The following MALRD1 variants were observed in gnomAD, a reference collection of about 807,000 sequenced individuals.
MALRD1 encodes MAM and LDL-receptor class A domain-containing protein 1.
MALRD1 carries 247 observed loss-of-function variants against 242.1 expected under a neutral mutation model. The ratio of observed to expected loss-of-function variants is 1.02; its 90% CI spans 0.92 to 1.13. The LOEUF (loss-of-function observed/expected upper bound fraction) is 1.13, where lower values mean the gene tolerates loss of function less well. Ranked by LOEUF, MALRD1 falls within the 50% of genes most tolerant of loss-of-function variation. MALRD1 has a pLI of 0.00. For synonymous variants in MALRD1, 995 were observed against 866.6 expected (o/e 1.15, Z -2.60); for missense variants, 2,989 against 2,533.1 (o/e 1.18, Z -3.86).
chr10:19,171,383 TG>T lies in MALRD1; in HGVS notation c.1831-3824del, dbSNP rs1182121920. Among the ~76,000 whole-genome samples the T allele has an allele frequency of 2.0e-5, 3 of 148,774 alleles. 1 individual carries two copies. The highest frequency in any genetic ancestry group is 7.4e-5 in the African/African-American group (3 of 40,418). ...TTACTGATTACCAATTGATGCTGAC[TG>T]TAGTTCCGAAAGGGAATTGGTCACA... On this transcript the variant is annotated intron_variant, in intron 13 of 39. Transcript: ENST00000454679.
At chr10:19,444,724 C>T (rs932314852) in intron 28 of MALRD1, among the ~76,000 whole-genome samples, 1 of 152,182 alleles carries the variant, frequency 6.6e-6, no homozygotes, top group Non-Finnish European at 1.5e-5. Context: ...CAACCTTTCT[C>T]TCTGGCTGCC....
At chr10:19,097,922 A>G (rs186865136) in intron 4 of MALRD1, among the ~76,000 whole-genome samples, 48 of 152,324 alleles carry the variant, frequency 3.2e-4, no homozygotes, top group South Asian at 6.2e-4. Context: ...TCCTGTGTAT[A>G]AACATGTATT....
intron 21 of MALRD1, among the ~76,000 whole-genome samples, chr10:19,322,298 A>G (rs568872343): frequency 4.4e-4 from 67 of 152,174 alleles, no homozygotes; most frequent in South Asian, 1.0e-3. Context: ...GAGAACTGGA[A>G]ATGCTTTTTC....
chr10:19,101,156 TGAGGTACA>T (rs1262046348), intron 4 of MALRD1, among the ~76,000 whole-genome samples: 2 of 151,170 alleles, frequency 1.3e-5, no homozygotes, highest in Non-Finnish European at 1.5e-5. Context: ...AGAAGAAAAC[TGAGGTACA>T]GAGATGTTAA....
In MALRD1 at chr10:19,294,274, A is replaced by G. The variant is rs980824339; in HGVS notation, c.3419+11093A>G. On this transcript the variant is annotated intron_variant, in intron 21 of 39. Coordinates refer to ENST00000454679, the MANE Select transcript of MALRD1 (RefSeq NM_001142308.3). ...GAAGAATTGTTATAATTGCCCCCAA[A>G]ATTTGTAGGAAAAACGTTTCCCAAA... is the stretch of plus-strand genomic sequence containing the variant. Among the ~76,000 whole-genome samples, 21 of 152,272 alleles carry G rather than the reference A, an allele frequency of 1.4e-4. No individual in the cohort carries two copies. The Middle Eastern group carries it at 0.014, about 99-fold the overall frequency.
At position 19,318,004 on chromosome 10, in the gene MALRD1, A is replaced by T. The variant is rs555830094; in HGVS notation, c.3420-5945A>T. ...TTAGAAAAAGATATGCTTCTATAAA[A>T]TGTCCTACTTCCCGCTCTGTATGAG... On this transcript the variant is annotated intron_variant, in intron 21 of 39. Coordinates refer to ENST00000454679, the MANE Select transcript of MALRD1 (RefSeq NM_001142308.3). Among the ~76,000 whole-genome samples, 7 of 152,186 alleles carry T rather than the reference A, an allele frequency of 4.6e-5. No individual in the cohort carries two copies. In the East Asian group the frequency reaches 1.2e-3, roughly 25 times the overall value.
intron 33 of MALRD1, among the ~76,000 whole-genome samples, chr10:19,574,534 T>G (rs1169505923): frequency 1.3e-5 from 2 of 152,196 alleles, no homozygotes; most frequent in East Asian, 3.9e-4. Context: ...GAGAATGAAT[T>G]TTGTGAATAG....
Position 19,171,457 on chromosome 10 carries a change from T to TACAC in MALRD1, c.1831-3747_1831-3744dup, listed in dbSNP as rs60515694. Among the ~76,000 whole-genome samples the TACAC allele has an allele frequency of 2.8e-3, 207 of 74,544 alleles. 10 individuals carry two copies. The highest frequency in any genetic ancestry group is 4.1e-3 in the Non-Finnish European group (132 of 31,912). 48.9% of individuals were successfully genotyped at this position (74,544 alleles called of 152,430 possible). ...ATATATATATATATATATATATATA[T>TACAC]ACACACATGTATATACACACACACA... On this transcript the variant is annotated intron_variant, in intron 13 of 39. Transcript: ENST00000454679.
chr10:19,306,347 A>G (rs2496093), intron 21 of MALRD1, among the ~76,000 whole-genome samples: 1,475 of 131,760 alleles, frequency 0.011, 17 homozygotes, highest in African/African-American at 0.026. Context: ...TATATACCAT[A>G]TATAGTATAT....
At chr10:19,511,719 G>T (rs1833409949) in intron 31 of MALRD1, among the ~76,000 whole-genome samples, 1 of 152,128 alleles carries the variant, frequency 6.6e-6, no homozygotes, top group Non-Finnish European at 1.5e-5. Flanking sequence ...GGATCTCTAA[G>T]ATCATGTAGG....
intron 13 of MALRD1, among the ~76,000 whole-genome samples, chr10:19,170,598 G>A (rs61851299): frequency 3.9e-5 from 6 of 151,988 alleles, no homozygotes; most frequent in African/African-American, 1.4e-4. Flanking sequence ...CCGTAAAGTT[G>A]CTGGGTCCTT....
At chr10:19,122,883 G>A (rs930869485) in intron 5 of MALRD1, among the ~76,000 whole-genome samples, 4 of 151,956 alleles carry the variant, frequency 2.6e-5, no homozygotes, top group South Asian at 4.2e-4. Context: ...CTGCCACCAC[G>A]CCCAGATAAT....
At position 19,263,360 on chromosome 10, in the gene MALRD1, T is replaced by C. The variant is rs954539414; in HGVS notation, c.3079+5589T>C. On this transcript the variant is annotated intron_variant, in intron 19 of 39. Coordinates refer to ENST00000454679, the MANE Select transcript of MALRD1 (RefSeq NM_001142308.3). ...TAACAGATGAGAGTTAATATCTCAT[T>C]GTAGTTTTGATTTGCATTTTCCTGA... 1.3e-4 allele frequency among the ~76,000 whole-genome samples: 20 copies of C among 152,236 alleles called. No individual in the cohort carries two copies. The East Asian group carries it at 1.3e-3, about 10-fold the overall frequency.
chr10:19,224,623 C>T (rs141084541), intron 18 of MALRD1, among the ~76,000 whole-genome samples: 9,868 of 152,116 alleles, frequency 0.065, 367 homozygotes, highest in African/African-American at 0.092. Flanking sequence ...GTTTATTGGC[C>T]GCATAAATGT....
chr10:19,601,432 T>A (rs912875955), intron 34 of MALRD1, among the ~76,000 whole-genome samples: 1 of 151,956 alleles, frequency 6.6e-6, no homozygotes, highest in Non-Finnish European at 1.5e-5. Flanking sequence ...CAATAAATAT[T>A]AGATGCATTC....
At chr10:19,238,093 A>T (rs191306031) in intron 18 of MALRD1, among the ~76,000 whole-genome samples, 7 of 29,614 alleles carry the variant, frequency 2.4e-4, no homozygotes, top group Admixed American at 1.2e-3. Flanking sequence ...ATTATATATA[A>T]TATATATAAT....
chr10:19,143,620 T>C (rs1465881171), intron 10 of MALRD1, among the ~76,000 whole-genome samples: 1 of 152,198 alleles, frequency 6.6e-6, no homozygotes, highest in Non-Finnish European at 1.5e-5. Context: ...ATGTGGTCAC[T>C]CTACTCATGA....
chr10:19,139,184 G>T (rs1833456900), intron 10 of MALRD1, among the ~76,000 whole-genome samples: 1 of 151,910 alleles, frequency 6.6e-6, no homozygotes, highest in Non-Finnish European at 1.5e-5. Context: ...ATATAGATTT[G>T]GATTATTAGA....
intron 21 of MALRD1, among the ~76,000 whole-genome samples, chr10:19,307,214 A>G (rs1372067587): frequency 6.7e-6 from 1 of 149,694 alleles, no homozygotes; most frequent in Non-Finnish European, 1.5e-5. Flanking sequence ...AACTATTCTC[A>G]GCTACAGAAA....
Sources: gnomAD v4.1 joint callset for allele counts (sites outside exome capture counted in the v4.1 genomes callset) on GRCh38, gnomAD v4.1.1 for gene constraint, MANE v1.5 for transcripts, NCBI Gene and HGNC (gene_info 2026-07-23, HGNC 2026-07-21) for gene names.